Variants in WDR70 observed in about 807,000 individuals in gnomAD.
The protein encoded by WDR70 is WD repeat domain 70, also known as WD repeat-containing protein 70.
A neutral mutation model predicts 88.6 loss-of-function variants in WDR70; 53 were observed. That is an observed-to-expected ratio of 0.60 (90% CI 0.48 to 0.75). The LOEUF is 0.75. Ranked by LOEUF, WDR70 falls within the 30% of genes least tolerant of loss-of-function variation. The probability of loss-of-function intolerance (pLI) is 0.00; values close to 1 mark genes in which losing one functional copy is unlikely to be tolerated. For missense variants in WDR70, 610 were observed against 823.2 expected, an observed-to-expected ratio of 0.74 and a Z score of 3.17; for synonymous variants, 280 against 270.0, an observed-to-expected ratio of 1.04 and a Z score of -0.36.
chr5:37,415,051 T>C (rs1289965271), intron 5 of WDR70, among the ~76,000 whole-genome samples: 7 of 151,110 alleles, frequency 4.6e-5, no homozygotes, highest in Non-Finnish European at 7.4e-5. Context: ...TTAATCCATT[T>C]AACCCTGAGT....
chr5:37,453,456 C>T (rs1229406358), intron 7 of WDR70, among the ~76,000 whole-genome samples: 1 of 152,252 alleles, frequency 6.6e-6, no homozygotes, highest in African/African-American at 2.4e-5. Context: ...GTCCTTAAGG[C>T]ACAGCTCGCT....
intron 8 of WDR70, among the ~76,000 whole-genome samples, chr5:37,499,205 C>T (rs1237201487): frequency 2.0e-5 from 3 of 151,988 alleles, no homozygotes; most frequent in African/African-American, 7.2e-5. Flanking sequence ...CCTCCACTCC[C>T]CAGGTTCAAG....
rs573578618 is a variant in WDR70, at chr5:37,524,504, C to T, written c.917+7914C>T. The stretch of plus-strand genomic sequence containing the variant: ...AGCACTAAACATGGAAATAAACAAC[C>T]GCTACCAGCCACTGCAAAAAAAATG... On this transcript the variant is annotated intron_variant, in intron 9 of 17. Transcript: ENST00000265107. Among the ~76,000 whole-genome samples, 108 of 152,232 alleles carry T rather than the reference C, an allele frequency of 7.1e-4. 1 individual carries two copies. The highest frequency in any genetic ancestry group is 1.1e-3 in the Non-Finnish European group (77 of 68,028).
At chr5:37,561,806 A>T (rs1742514547) in intron 9 of WDR70, among the ~76,000 whole-genome samples, 1 of 152,242 alleles carries the variant, frequency 6.6e-6, no homozygotes, top group African/African-American at 2.4e-5. Context: ...TGTTGATTTA[A>T]CATAAAGATA....
At position 37,490,125 on chromosome 5, in the gene WDR70, G is replaced by T. The variant is rs1740022322; in HGVS notation, c.840+10138G>T. Among the ~76,000 whole-genome samples, 2 of 152,134 alleles carry T rather than the reference G, an allele frequency of 1.3e-5. 1 individual carries two copies. The highest frequency in any genetic ancestry group is 4.8e-5 in the African/African-American group (2 of 41,416). ...GTGCATGTGCCTGAGGTGACTGATG[G>T]TGCAGGGGAATCCATAGGCCCCTGG... is the stretch of plus-strand genomic sequence containing the variant. On this transcript the variant is annotated intron_variant, in intron 8 of 17. Coordinates refer to ENST00000265107, the MANE Select transcript of WDR70 (RefSeq NM_018034.4).
chr5:37,414,585 T>A (rs1749634480), intron 5 of WDR70, among the ~76,000 whole-genome samples: 1 of 151,512 alleles, frequency 6.6e-6, no homozygotes, highest in Admixed American at 6.6e-5. Context: ...GAATGTAAGT[T>A]CTATGAGGAC....
At chr5:37,655,741 T>C (rs1012865472) in intron 10 of WDR70, among the ~76,000 whole-genome samples, 23 of 151,948 alleles carry the variant, frequency 1.5e-4, no homozygotes, top group African/African-American at 5.6e-4. Flanking sequence ...CTATTTATAC[T>C]TGTGTATGCT....
At chr5:37,484,584 G>A (rs931053582) in intron 8 of WDR70, among the ~76,000 whole-genome samples, 18 of 152,192 alleles carry the variant, frequency 1.2e-4, no homozygotes, top group Non-Finnish European at 8.8e-5. Flanking sequence ...GAGGGAGAGG[G>A]AGAGGGAGAG....
chr5:37,617,560 A>G (rs1744380342), intron 10 of WDR70, among the ~76,000 whole-genome samples: 1 of 152,228 alleles, frequency 6.6e-6, no homozygotes, highest in Non-Finnish European at 1.5e-5. Flanking sequence ...TGGGTGAAGT[A>G]GGTAATCTAT....
chr5:37,575,642 G>A (rs2112414254), intron 9 of WDR70, among the ~76,000 whole-genome samples: 1 of 152,302 alleles, frequency 6.6e-6, no homozygotes, highest in East Asian at 1.9e-4. Flanking sequence ...AGAAGCTCTT[G>A]CACTCAGGAA....
chr5:37,460,683 A>C (rs1738964855), intron 7 of WDR70, among the ~76,000 whole-genome samples: 1 of 22,360 alleles, frequency 4.5e-5, no homozygotes, highest in East Asian at 0.017. Context: ...TAAAACTTAG[A>C]GTATAATAAA....
At chr5:37,553,194 G>A (rs1455759955) in intron 9 of WDR70, among the ~76,000 whole-genome samples, 1 of 152,156 alleles carries the variant, frequency 6.6e-6, no homozygotes, top group Non-Finnish European at 1.5e-5. Context: ...TATGAGTGTT[G>A]TGATCCGGGA....
intron 9 of WDR70, among the ~76,000 whole-genome samples, chr5:37,531,494 A>C (rs1741481686): frequency 6.6e-6 from 1 of 151,560 alleles, no homozygotes; most frequent in African/African-American, 2.4e-5. Context: ...ATATTTATTT[A>C]GAATTGTGGT....
At chr5:37,578,346 C>T (rs1204432404) in intron 9 of WDR70, among the ~76,000 whole-genome samples, 3 of 151,862 alleles carry the variant, frequency 2.0e-5, no homozygotes, top group African/African-American at 4.8e-5. Flanking sequence ...TTTTTGGACT[C>T]TGTACTAGGG....
chr5:37,631,334 T>C (rs535371275), intron 10 of WDR70, among the ~76,000 whole-genome samples: 2 of 152,318 alleles, frequency 1.3e-5, no homozygotes, highest in South Asian at 4.1e-4. Context: ...ATGAAGGCAG[T>C]TAGCTTTATT....
At chr5:37,480,517 C>T (rs557838060) in intron 8 of WDR70, among the ~76,000 whole-genome samples, 86 of 152,242 alleles carry the variant, frequency 5.6e-4, no homozygotes, top group Non-Finnish European at 9.3e-4. Flanking sequence ...TCTTACATGG[C>T]GGCAGGCAGG....
intron 9 of WDR70, among the ~76,000 whole-genome samples, chr5:37,592,063 C>G (rs979872949): frequency 2.0e-5 from 3 of 152,144 alleles, no homozygotes; most frequent in Non-Finnish European, 4.4e-5. Context: ...CCTACAGGTT[C>G]AGGTCAAATA....
chr5:37,455,657 C>T (rs1388450536), intron 7 of WDR70, among the ~76,000 whole-genome samples: 3 of 8,650 alleles, frequency 3.5e-4, no homozygotes, highest in Non-Finnish European at 1.3e-3. Flanking sequence ...TTTTTTTTTG[C>T]CACAATTTGT....
At chr5:37,608,412 C>G (rs576121016) in intron 10 of WDR70, among the ~76,000 whole-genome samples, 1 of 152,076 alleles carries the variant, frequency 6.6e-6, no homozygotes, top group Admixed American at 6.6e-5. Flanking sequence ...ACTGAAATTT[C>G]TTCTTCTCAG....
Sources: gnomAD v4.1 joint callset for allele counts (sites outside exome capture counted in the v4.1 genomes callset) on GRCh38, gnomAD v4.1.1 for gene constraint, MANE v1.5 for transcripts, NCBI Gene and HGNC (gene_info 2026-07-23, HGNC 2026-07-21) for gene names.